Variants in CCSER1 observed in about 807,000 individuals in gnomAD.
CCSER1 encodes the protein serine-rich coiled-coil domain-containing protein 1.
CCSER1 carries 41 observed loss-of-function variants against 82.0 expected under a neutral mutation model. That is an observed-to-expected ratio of 0.50 (90% CI 0.39 to 0.65). CCSER1 has a LOEUF of 0.65. CCSER1 is among the 30% of genes least tolerant of loss of function. The pLI is 0.00. For synonymous variants in CCSER1, 414 were observed against 383.9 expected (o/e 1.08, Z -0.92); for missense variants, 1,119 against 1,064.2 (o/e 1.05, Z -0.72).
chr4:90,796,418 TAA>T (rs70963082), intron 7 of CCSER1, among the ~76,000 whole-genome samples: 49 of 79,678 alleles, frequency 6.1e-4, no homozygotes, highest in South Asian at 1.0e-3. Context: ...GTACTAAATT[TAA>T]AAAAAAAAAA....
At chr4:90,285,407 A>G (rs1729683420) in intron 1 of CCSER1, among the ~76,000 whole-genome samples, 1 of 152,062 alleles carries the variant, frequency 6.6e-6, no homozygotes, top group African/African-American at 2.4e-5. Context: ...TAGTTATTGT[A>G]AATGGGATTA....
chr4:91,496,733 T>A (rs181130954), intron 10 of CCSER1, among the ~76,000 whole-genome samples: 6,840 of 23,630 alleles, frequency 0.29, 3,021 homozygotes, highest in Non-Finnish European at 0.51. Context: ...AATATATATA[T>A]ATATTGAATA....
chr4:91,056,781 A>AG (rs1364810497), intron 9 of CCSER1, among the ~76,000 whole-genome samples: 1 of 152,190 alleles, frequency 6.6e-6, no homozygotes, highest in Non-Finnish European at 1.5e-5. Flanking sequence ...CTTTGTGCTA[A>AG]GGATCAGGCT....
intron 5 of CCSER1, among the ~76,000 whole-genome samples, chr4:90,501,417 A>G (rs1461198597): frequency 6.6e-6 from 1 of 152,144 alleles, no homozygotes; most frequent in Non-Finnish European, 1.5e-5. Context: ...TTGGAGGATT[A>G]TGTTTTAGCA....
chr4:91,276,183 A>G (rs1196891444), intron 10 of CCSER1, among the ~76,000 whole-genome samples: 1 of 146,884 alleles, frequency 6.8e-6, no homozygotes, highest in Non-Finnish European at 1.5e-5. Context: ...TTTTTTTTCT[A>G]TTTCTGTGAA....
At chr4:91,196,923 ACTT>A (rs762699901) in intron 10 of CCSER1, among the ~76,000 whole-genome samples, 7 of 152,244 alleles carry the variant, frequency 4.6e-5, no homozygotes, top group Non-Finnish European at 1.0e-4. Context: ...ATCTGAGAAG[ACTT>A]CTTTAGTGCC....
chr4:90,370,714 A>T (rs1747246430), intron 3 of CCSER1, among the ~76,000 whole-genome samples: 1 of 151,920 alleles, frequency 6.6e-6, no homozygotes, highest in Non-Finnish European at 1.5e-5. Flanking sequence ...AGCTTTTTAG[A>T]TTATTTTTTG....
At chr4:91,187,487 G>C (rs1734653521) in intron 10 of CCSER1, among the ~76,000 whole-genome samples, 1 of 151,710 alleles carries the variant, frequency 6.6e-6, no homozygotes, top group Non-Finnish European at 1.5e-5. Context: ...AGGGTTGTTT[G>C]GTAATACAAA....
At chr4:90,851,062 A>G (rs1763823558) in intron 8 of CCSER1, among the ~76,000 whole-genome samples, 1 of 152,160 alleles carries the variant, frequency 6.6e-6, no homozygotes, top group Admixed American at 6.5e-5. Flanking sequence ...CCTTCACTCC[A>G]CATTCATTCT....
chr4:90,608,753 ATTT>A (rs1785074453), intron 5 of CCSER1, among the ~76,000 whole-genome samples: 1 of 151,672 alleles, frequency 6.6e-6, no homozygotes, highest in African/African-American at 2.4e-5. Context: ...CTCACTTCTT[ATTT>A]TGCCTTTCCA....
At chr4:90,867,800 T>G (rs1765931532) in intron 8 of CCSER1, among the ~76,000 whole-genome samples, 1 of 152,058 alleles carries the variant, frequency 6.6e-6, no homozygotes, top group Admixed American at 6.6e-5. Context: ...ATGCAAAATT[T>G]GACTTTCTGT....
intron 5 of CCSER1, among the ~76,000 whole-genome samples, chr4:90,547,286 T>A (rs1339744118): frequency 1.3e-5 from 2 of 152,014 alleles, no homozygotes; most frequent in African/African-American, 4.8e-5. Flanking sequence ...TTATAAAGAT[T>A]TTTTTAATCT....
chr4:90,149,553 A>T (rs1726423295), intron 1 of CCSER1, among the ~76,000 whole-genome samples: 1 of 152,186 alleles, frequency 6.6e-6, no homozygotes, highest in Non-Finnish European at 1.5e-5. Context: ...ACATTCAGTT[A>T]TACTTAAAAA....
At chr4:90,712,473 T>C (rs1295767056) in intron 6 of CCSER1, among the ~76,000 whole-genome samples, 2 of 152,098 alleles carry the variant, frequency 1.3e-5, no homozygotes, top group African/African-American at 4.8e-5. Flanking sequence ...TTCTTAGTTT[T>C]GATTTCTAGT....
At chr4:90,502,288 GGAGA>G (rs1259795686) in intron 5 of CCSER1, among the ~76,000 whole-genome samples, 2 of 152,088 alleles carry the variant, frequency 1.3e-5, no homozygotes, top group African/African-American at 4.8e-5. Context: ...TGTGGCAGCA[GGAGA>G]GAGAGAAAGA....
At chr4:90,428,418 T>A (rs1268535630) in intron 4 of CCSER1, among the ~76,000 whole-genome samples, 1 of 151,870 alleles carries the variant, frequency 6.6e-6, no homozygotes, top group East Asian at 1.9e-4. Flanking sequence ...CCCCCAAAAC[T>A]TAACTCTTAA....
chr4:90,874,247 G>A (rs1021710738), intron 8 of CCSER1, among the ~76,000 whole-genome samples: 2 of 152,004 alleles, frequency 1.3e-5, no homozygotes, highest in African/African-American at 4.8e-5. Context: ...TTTTCTTATG[G>A]TATGATTTCA....
chr4:90,864,170 T>C (rs1474244884), intron 8 of CCSER1, among the ~76,000 whole-genome samples: 1 of 151,890 alleles, frequency 6.6e-6, no homozygotes, highest in Non-Finnish European at 1.5e-5. Flanking sequence ...GCATGCTTGC[T>C]TGACAACCCA....
At chr4:90,382,174 T>G (rs1202750315) in intron 3 of CCSER1, among the ~76,000 whole-genome samples, 1 of 152,104 alleles carries the variant, frequency 6.6e-6, no homozygotes, top group Non-Finnish European at 1.5e-5. Context: ...TTAGCAAACA[T>G]GCCAAACTAA....
Sources: allele counts gnomAD v4.1 joint callset (sites outside exome capture counted in the v4.1 genomes callset), GRCh38; gene constraint gnomAD v4.1.1; transcripts MANE v1.5; gene names NCBI Gene and HGNC (gene_info 2026-07-23, HGNC 2026-07-21).